Variants in CDX2 observed in about 807,000 individuals in gnomAD.
The protein encoded by CDX2 is caudal type homeobox 2, also known as homeobox protein CDX-2.
A neutral mutation model predicts 25.5 loss-of-function variants in CDX2; 7 were observed. That is an observed-to-expected ratio of 0.27 (90% CI 0.16 to 0.52). CDX2 has a LOEUF of 0.52. Ranked by LOEUF, CDX2 falls within the 20% of genes least tolerant of loss-of-function variation. The pLI, the probability that CDX2 is intolerant of heterozygous loss-of-function variation, is 0.97. For synonymous variants in CDX2, 222 were observed against 198.6 expected (o/e 1.12, Z -0.99); for missense variants, 375 against 431.4 (o/e 0.87, Z 1.16).
intron 1 of CDX2, among the ~76,000 whole-genome samples, chr13:27,965,601 A>C (rs1050275050): frequency 2.9e-4 from 44 of 152,224 alleles, no homozygotes; most frequent in African/African-American, 1.0e-3. Context: ...AACAGGCAGA[A>C]AACCCCTCCT....
Position 27,962,993 on chromosome 13 carries a change from G to T in CDX2, c.*122C>A. The T allele has an allele frequency of 8.1e-7, 1 of 1,230,266 alleles. No homozygotes were observed. The highest frequency in any genetic ancestry group is 1.1e-6 in the Non-Finnish European group (1 of 946,956). 76.2% of individuals were successfully genotyped at this position (1,230,266 alleles called of 1,614,324 possible). The stretch of plus-strand genomic sequence containing the variant: ...CCTGGCTCCCATTTTTCCTCTGAGA[G>T]CCAGGTCTGTAGGTCTATGGCTGTG... On this transcript the variant is annotated 3_prime_UTR_variant, in exon 3 of 3. Transcript: ENST00000381020.
chr13:27,966,111 C>G (rs2504210), intron 1 of CDX2, among the ~76,000 whole-genome samples: 119,513 of 152,246 alleles, frequency 0.78, 47,199 homozygotes, highest in South Asian at 0.89. Flanking sequence ...GCTGAAAGGC[C>G]AACACAGCCG....
intron 1 of CDX2, chr13:27,967,180 C>T: frequency 6.9e-6 from 3 of 437,514 alleles, no homozygotes; most frequent in South Asian, 3.6e-5. Flanking sequence ...TCTTTGGGAG[C>T]CAGGATCTGG....
rs1869016523 is a variant in CDX2 at position 27,960,989 on chromosome 13, G to C, written c.*2126C>G. On this transcript the variant is annotated 3_prime_UTR_variant, in exon 3 of 3. Transcript: ENST00000381020. ...ATAGCAACCCCGGCGGCTAGGGGGC[G>C]GGCCTGTGGGCGCGGCCGGGGCGCG... 6.6e-6 allele frequency among the ~76,000 whole-genome samples: 1 copy of C among 152,230 alleles called. No homozygotes were observed. The highest frequency in any genetic ancestry group is 1.5e-5 in the Non-Finnish European group (1 of 68,038).
intron 1 of CDX2, among the ~76,000 whole-genome samples, chr13:27,967,935 C>T (rs957726263): frequency 6.6e-6 from 1 of 152,166 alleles, no homozygotes; most frequent in Admixed American, 6.5e-5. Flanking sequence ...TGAATTGGCC[C>T]GAGTGGCCAA....
intron 2 of CDX2, 50 bp from the exon 3 acceptor site, chr13:27,963,419 A>T: frequency 7.0e-7 from 1 of 1,426,228 alleles, no homozygotes; most frequent in African/African-American, 1.4e-5. Context: ...GATGTGAGGG[A>T]AAAGAGGAAC....
Position 27,968,515 on chromosome 13 carries a change from G to C in CDX2, c.492C>G (p.Asn164Lys), listed in dbSNP as rs1869450208. 2.6e-6 allele frequency: 4 copies of C among 1,565,282 alleles called. No individual in the cohort carries two copies. In the East Asian group the frequency reaches 9.9e-5, roughly 39 times the overall value. ...EQLSPGGQRRNLCEWMRKPAQ... is the reference protein window; with the variant it reads ...EQLSPGGQRRKLCEWMRKPAQ... ...CCGGCTTCCGCATCCACTCGCACAG[G>C]TTCCGCCGCTGGCCGCCGGGAGACA... The change falls in exon 1 of 3, where the codon AAC (asparagine) becomes AAG (lysine). Residue 164 changes from asparagine to lysine, a missense_variant. Physicochemically the swap from Asn to Lys is moderately conservative, Grantham distance 94. This residue lies in a region of CDX2 where 253 missense variants were observed against 247.5 expected (regional missense o/e 1.02). Transcript: ENST00000381020.
At position 27,968,998 on chromosome 13, in the gene CDX2, C is replaced by G; in HGVS notation, c.9G>C (p.Val3=). 1.3e-6 allele frequency: 2 copies of G among 1,597,024 alleles called. No homozygotes were observed. The highest frequency in any genetic ancestry group is 1.7e-6 in the Non-Finnish European group (2 of 1,177,796). The part of the protein sequence containing the change: MY[V]SYLLDKDVSM... ...TCACGTCCTTGTCCAGGAGGTAGCT[C>G]ACGTACATGGTGGCGAGGGTCCGGG... Residue 3 remains valine (V), a synonymous_variant, in exon 1 of 3, where the codon GTG becomes GTC. Coordinates refer to ENST00000381020, the MANE Select transcript of CDX2 (RefSeq NM_001265.6).
chr13:27,967,199 G>A (rs1224393177), intron 1 of CDX2: 2 of 460,234 alleles, frequency 4.3e-6, no homozygotes, highest in African/African-American at 4.0e-5. Flanking sequence ...GGGAGCCCCT[G>A]CTAGGAGAAA....
chr13:27,966,992 C>T (rs1033555832), intron 1 of CDX2, among the ~76,000 whole-genome samples: 1 of 152,136 alleles, frequency 6.6e-6, no homozygotes, highest in Non-Finnish European at 1.5e-5. Flanking sequence ...CACCTCGGCG[C>T]AGGACTTCAC....
At chr13:27,965,416 C>T (rs920195456) in intron 1 of CDX2, among the ~76,000 whole-genome samples, 3 of 152,128 alleles carry the variant, frequency 2.0e-5, no homozygotes, top group South Asian at 2.1e-4. Flanking sequence ...GAGATGGAAG[C>T]CCACCCCGAA....
In CDX2 at chr13:27,964,365, C is replaced by G. The variant is rs1566036093; in HGVS notation, c.687+505G>C. Among the ~76,000 whole-genome samples the G allele has an allele frequency of 6.6e-6, 1 of 151,968 alleles. No individual in the cohort carries two copies. On this transcript the variant is annotated intron_variant, in intron 2 of 2. Coordinates refer to ENST00000381020, the MANE Select transcript of CDX2 (RefSeq NM_001265.6). The surrounding 1 kb of genome is among the most constrained non-coding windows in gnomAD (Gnocchi z 4.7). Reference sequence around the variant, plus strand: ...AGTGAGCTGAGACCGCGCCATTGCACTTCAGCCTGCACAACAAGAGTGAAA... The same window carrying G: ...AGTGAGCTGAGACCGCGCCATTGCAGTTCAGCCTGCACAACAAGAGTGAAA...
In CDX2 at chr13:27,961,007, G is replaced by T. The variant is rs1033205695; in HGVS notation, c.*2108C>A. Among the ~76,000 whole-genome samples, 12 of 152,156 alleles carry T rather than the reference G, an allele frequency of 7.9e-5. No homozygotes were observed. The highest frequency in any genetic ancestry group is 2.7e-4 in the African/African-American group (11 of 41,508). On this transcript the variant is annotated 3_prime_UTR_variant, in exon 3 of 3. Coordinates refer to ENST00000381020, the MANE Select transcript of CDX2 (RefSeq NM_001265.6). The stretch of plus-strand genomic sequence containing the variant: ...AGGGGGCGGGCCTGTGGGCGCGGCC[G>T]GGGCGCGGGGAGACCTGCGGGGCAC...
At position 27,969,059 on chromosome 13, in the gene CDX2, G is replaced by T; in HGVS notation, c.-53C>A. On this transcript the variant is annotated 5_prime_UTR_variant, in exon 1 of 3. Coordinates refer to ENST00000381020, the MANE Select transcript of CDX2 (RefSeq NM_001265.6). ...ACCATGCTGCCTGGGGACCGACGCT[G>T]GAGGCTGCCGGGGGGCACGAAGGGA... The T allele has an allele frequency of 1.4e-6, 2 of 1,424,538 alleles. No homozygotes were observed. The highest frequency in any genetic ancestry group is 1.9e-6 in the Non-Finnish European group (2 of 1,041,454). The allele number at this position is 1,424,538 out of a possible 1,614,324, so 88.2% of individuals were successfully genotyped here.
At chr13:27,968,078 C>G (rs1869424636) in intron 1 of CDX2, among the ~76,000 whole-genome samples, 1 of 152,224 alleles carries the variant, frequency 6.6e-6, no homozygotes, top group Non-Finnish European at 1.5e-5. Context: ...GAGCCTCCCT[C>G]TCTCCTCGGC....
At chr13:27,967,081 G>A (rs1869366959) in intron 1 of CDX2, among the ~76,000 whole-genome samples, 1 of 152,094 alleles carries the variant, frequency 6.6e-6, no homozygotes, top group African/African-American at 2.4e-5. Context: ...CTCACCCCGC[G>A]GCCGCTCTCC....
chr13:27,963,140 AC>A lies in CDX2; in HGVS notation c.916del (p.Val306CysfsTer2), dbSNP rs773511514. On this transcript the variant is annotated frameshift_variant, in exon 3 of 3. Transcript: ENST00000381020. LOFTEE classifies it high-confidence loss of function. ...VPGVLGPTGG[V>X]LNPTVTQ ...TCACTGGGTGACGGTGGGGTTTAGC[AC>A]CCCCCCAGTTGGCCCCAGAACCCCA... 9.9e-6 allele frequency: 16 copies of A among 1,611,522 alleles called. No individual in the cohort carries two copies. The highest frequency in any genetic ancestry group is 1.1e-5 in the Non-Finnish European group (13 of 1,178,736).
chr13:27,964,734 A>G lies in CDX2; in HGVS notation c.687+136T>C, dbSNP rs937701970. 3.6e-6 allele frequency: 2 copies of G among 562,952 alleles called. No individual in the cohort carries two copies. Among genetic ancestry groups the G allele is most frequent in the African/African-American group, 3.9e-5 (2 of 50,918 alleles). The allele number at this position is 562,952 out of a possible 1,614,324, so 34.9% of individuals were successfully genotyped here. ...AAAAAAAAAAAAAAAAAAAAAAAGG[A>G]CTCCAAAGACGAATGCTTGCATCCT... On this transcript the variant is annotated intron_variant, in intron 2 of 2. Transcript: ENST00000381020. The surrounding 1 kb of genome is among the most constrained non-coding windows in gnomAD (Gnocchi z 4.7).
Position 27,961,618 on chromosome 13 carries a change from G to C in CDX2, c.*1497C>G, listed in dbSNP as rs1390144040. Reference sequence around the variant, plus strand: ...CAGAGAAGAGAGTGGAGGCAGAAAGGGCTCACGGAAATGCCCAGTGATTTA... The same window carrying C: ...CAGAGAAGAGAGTGGAGGCAGAAAGCGCTCACGGAAATGCCCAGTGATTTA... On this transcript the variant is annotated 3_prime_UTR_variant, in exon 3 of 3. Transcript: ENST00000381020. Among the ~76,000 whole-genome samples the C allele has an allele frequency of 6.6e-6, 1 of 152,146 alleles. No individual in the cohort carries two copies. The highest frequency in any genetic ancestry group is 1.5e-5 in the Non-Finnish European group (1 of 68,036).
Sources: gnomAD v4.1 joint callset for allele counts (sites outside exome capture counted in the v4.1 genomes callset) on GRCh38, gnomAD v4.1.1 for gene constraint, gnomAD v4.1.1 regional missense constraint, Gnocchi (gnomAD v3.1) non-coding constraint, MANE v1.5 for transcripts, NCBI Gene and HGNC (gene_info 2026-07-23, HGNC 2026-07-21) for gene names.